Variants in ZNHIT6 observed in about 807,000 individuals in gnomAD.
The protein encoded by ZNHIT6 is box C/D snoRNA protein 1.
A neutral mutation model predicts 57.2 loss-of-function variants in ZNHIT6; 45 were observed. That is an observed-to-expected ratio of 0.79 (90% confidence interval 0.62 to 1.01). The LOEUF (loss-of-function observed/expected upper bound fraction) is 1.01. Ranked by LOEUF, ZNHIT6 falls within the 50% of genes least tolerant of loss-of-function variation. The pLI is 0.00. For synonymous variants in ZNHIT6, 188 were observed against 190.0 expected (o/e 0.99, Z 0.09); for missense variants, 528 against 567.3 (o/e 0.93, Z 0.70).
chr1:85,697,150 G>A (rs543079422), intron 5 of ZNHIT6, among the ~76,000 whole-genome samples: 7 of 152,098 alleles, frequency 4.6e-5, no homozygotes, highest in South Asian at 4.1e-4. Context: ...GATTACAGGC[G>A]TGAGCCACCG....
intron 7 of ZNHIT6, among the ~76,000 whole-genome samples, 162 bp downstream of exon 7, chr1:85,678,539 G>C (rs928630002): frequency 2.0e-5 from 3 of 152,066 alleles, no homozygotes; most frequent in African/African-American, 7.2e-5. Context: ...AGGAAACAAT[G>C]AATGTCAGCT....
At chr1:85,706,971 T>C (rs1451697544) in intron 1 of ZNHIT6, among the ~76,000 whole-genome samples, 3 of 152,200 alleles carry the variant, frequency 2.0e-5, no homozygotes, top group Non-Finnish European at 2.9e-5. Context: ...ACGCCTAATC[T>C]AGAATGAGCA....
chr1:85,678,613 C>T (rs745589100), intron 7 of ZNHIT6, 88 bp downstream of exon 7: 3 of 854,990 alleles, frequency 3.5e-6, no homozygotes, highest in Non-Finnish European at 5.6e-6. Flanking sequence ...TTGTACTACA[C>T]ATCACATTCT....
intron 5 of ZNHIT6, among the ~76,000 whole-genome samples, chr1:85,694,596 G>A (rs1399371673): frequency 2.0e-5 from 3 of 152,216 alleles, no homozygotes; most frequent in Admixed American, 6.5e-5. Flanking sequence ...CGCGTAGCTG[G>A]GATTACAGGC....
chr1:85,668,648 T>C (rs1016001166), intron 8 of ZNHIT6, among the ~76,000 whole-genome samples: 1 of 152,204 alleles, frequency 6.6e-6, no homozygotes, highest in African/African-American at 2.4e-5. Flanking sequence ...AAATTTCCTA[T>C]TTAGAGTATC....
chr1:85,706,511 C>T lies in ZNHIT6; in HGVS notation c.657-4G>A, dbSNP rs748027651. The T allele has an allele frequency of 1.9e-6, 3 of 1,547,774 alleles. No homozygotes were observed. Among genetic ancestry groups the T allele is most frequent in the South Asian group, 1.3e-5 (1 of 77,140 alleles). On this transcript the variant is annotated splice_region_variant and splice_polypyrimidine_tract_variant and intron_variant, in intron 1 of 9. Coordinates refer to ENST00000370574, the MANE Select transcript of ZNHIT6 (RefSeq NM_017953.4). The stretch of plus-strand genomic sequence containing the variant: ...TTCTGTACCACAAGTCTCACACCTA[C>T]AAAAGCCCACATGTAACATTAAATT...
At chr1:85,665,922 G>A (rs1661357564) in intron 8 of ZNHIT6, among the ~76,000 whole-genome samples, 2 of 152,146 alleles carry the variant, frequency 1.3e-5, no homozygotes, top group East Asian at 3.8e-4. Flanking sequence ...TTCCAGTTAA[G>A]TATACTGAAG....
At chr1:85,672,966 T>C (rs1442988386) in intron 8 of ZNHIT6, among the ~76,000 whole-genome samples, 1 of 152,220 alleles carries the variant, frequency 6.6e-6, no homozygotes, top group Admixed American at 6.5e-5. Flanking sequence ...TTGGTTGTTT[T>C]ATAAATTCTT....
chr1:85,706,771 C>T (rs1662696878), intron 1 of ZNHIT6, among the ~76,000 whole-genome samples: 1 of 152,170 alleles, frequency 6.6e-6, no homozygotes, highest in African/African-American at 2.4e-5. Flanking sequence ...CTACTATAAT[C>T]AGGGAATGAG....
intron 7 of ZNHIT6, among the ~76,000 whole-genome samples, chr1:85,678,076 T>C (rs561333050): frequency 3.9e-5 from 6 of 152,318 alleles, no homozygotes; most frequent in Non-Finnish European, 5.9e-5. Context: ...AGTAACTTGC[T>C]CTTAATCACA....
At position 85,651,109 on chromosome 1, in the gene ZNHIT6, G is replaced by A. The variant is rs1471194249; in HGVS notation, c.*2949C>T. On this transcript the variant is annotated 3_prime_UTR_variant, in exon 10 of 10. Transcript: ENST00000370574. ...TAAACAAAAATGTATAAAGAAAATT[G>A]TTGGCATTATAGTTATGTGATTAAC... 1 of 152,086 alleles carries A rather than the reference G, an allele frequency of 6.6e-6. No individual in the cohort carries two copies. The highest frequency in any genetic ancestry group is 2.4e-5 in the African/African-American group (1 of 41,410). The allele number at this position is 152,086 out of a possible 1,614,324, so 9.4% of individuals were successfully genotyped here. A position where few individuals can be genotyped will look rare whatever the true frequency, so the allele number is the denominator to read the frequency against.
At chr1:85,697,935 G>C (rs1662422335) in intron 5 of ZNHIT6, among the ~76,000 whole-genome samples, 1 of 152,118 alleles carries the variant, frequency 6.6e-6, no homozygotes, top group Admixed American at 6.5e-5. Flanking sequence ...GGGTGAAAGT[G>C]AACATAAAGC....
At chr1:85,676,842 A>G (rs763771411) in intron 8 of ZNHIT6, among the ~76,000 whole-genome samples, 1 of 151,980 alleles carries the variant, frequency 6.6e-6, no homozygotes, top group Non-Finnish European at 1.5e-5. Context: ...CCAAACTGTG[A>G]CACATAGACT....
chr1:85,702,719 G>A (rs371830576), intron 4 of ZNHIT6, among the ~76,000 whole-genome samples: 3 of 152,278 alleles, frequency 2.0e-5, no homozygotes, highest in East Asian at 3.9e-4. Flanking sequence ...GCTCACTCAA[G>A]GGAAGAGCCA....
chr1:85,686,110 C>T (rs904785619), intron 5 of ZNHIT6, among the ~76,000 whole-genome samples: 3 of 151,820 alleles, frequency 2.0e-5, no homozygotes, highest in African/African-American at 7.3e-5. Context: ...TACAGGTGCC[C>T]GCCACCACAC....
At chr1:85,669,645 T>C (rs932572228) in intron 8 of ZNHIT6, among the ~76,000 whole-genome samples, 1 of 152,188 alleles carries the variant, frequency 6.6e-6, no homozygotes, top group African/African-American at 2.4e-5. Flanking sequence ...TGGGCTTGGG[T>C]TTAAATCTAA....
intron 6 of ZNHIT6, among the ~76,000 whole-genome samples, chr1:85,680,089 C>T (rs1250976320): frequency 6.6e-6 from 1 of 152,132 alleles, no homozygotes; most frequent in Non-Finnish European, 1.5e-5. Flanking sequence ...GCCTTTAGTC[C>T]CACCTACTTG....
At chr1:85,676,049 T>G (rs1385159187) in intron 8 of ZNHIT6, among the ~76,000 whole-genome samples, 1 of 152,050 alleles carries the variant, frequency 6.6e-6, no homozygotes, top group Non-Finnish European at 1.5e-5. Flanking sequence ...ATAAGACTGT[T>G]TTACTGGCCG....
intron 5 of ZNHIT6, among the ~76,000 whole-genome samples, chr1:85,693,625 C>T (rs1242535533): frequency 6.6e-6 from 1 of 152,108 alleles, no homozygotes; most frequent in Non-Finnish European, 1.5e-5. Flanking sequence ...AGCACTGCAA[C>T]ACACATCATA....
Sources: allele counts gnomAD v4.1 joint callset (sites outside exome capture counted in the v4.1 genomes callset), GRCh38; gene constraint gnomAD v4.1.1; transcripts MANE v1.5; gene names NCBI Gene and HGNC (gene_info 2026-07-23, HGNC 2026-07-21).